The following CDH4 variants were observed in gnomAD, a reference collection of about 807,000 sequenced individuals.
The protein encoded by CDH4 is cadherin-4.
CDH4 carries 33 observed loss-of-function variants against 86.0 expected under a neutral mutation model. The ratio of observed to expected loss-of-function variants is 0.38; its 90% CI spans 0.29 to 0.51. The LOEUF (loss-of-function observed/expected upper bound fraction) is 0.51, where lower values mean the gene tolerates loss of function less well. Among genes scored for constraint, CDH4 ranks in the 20% least tolerant of loss-of-function variants. The pLI, the probability that CDH4 is intolerant of heterozygous loss-of-function variation, is 0.86. For missense variants in CDH4, 1,114 were observed against 1,307.4 expected (o/e 0.85, Z 2.28); for synonymous variants, 555 against 549.4 (o/e 1.01, Z -0.14).
At chr20:61,566,191 G>A (rs140432067) in intron 2 of CDH4, among the ~76,000 whole-genome samples, 22 of 152,286 alleles carry the variant, frequency 1.4e-4, no homozygotes, top group Non-Finnish European at 2.5e-4. Flanking sequence ...TGCCCTTGCC[G>A]GGCCCATGTG....
chr20:61,771,010 C>CTTTTTTTTTT (rs756131628), intron 3 of CDH4, among the ~76,000 whole-genome samples: 9 of 130,378 alleles, frequency 6.9e-5, no homozygotes, highest in African/African-American at 1.4e-4. Flanking sequence ...TTCTTTTTTT[C>CTTTTTTTTTT]TTTTTTTTTT....
At chr20:61,744,995 T>A (rs746959727) in intron 3 of CDH4, among the ~76,000 whole-genome samples, 1 of 152,222 alleles carries the variant, frequency 6.6e-6, no homozygotes, top group Non-Finnish European at 1.5e-5. Context: ...CTGTTGCAGC[T>A]GCCTGCCTGA....
Position 61,804,879 on chromosome 20 carries a change from G to A in CDH4, c.576+31697G>A, listed in dbSNP as rs543883112. Reference sequence around the variant, plus strand: ...CAGTGAAAAGTGCAAGATTTATGGGGCACATAAACGGAACATACAGAGCTG... The same window carrying A: ...CAGTGAAAAGTGCAAGATTTATGGGACACATAAACGGAACATACAGAGCTG... On this transcript the variant is annotated intron_variant, in intron 4 of 15. Coordinates refer to ENST00000614565, the MANE Select transcript of CDH4 (RefSeq NM_001794.5). 4.6e-5 allele frequency among the ~76,000 whole-genome samples: 7 copies of A among 152,294 alleles called. No homozygotes were observed. The South Asian group carries it at 1.2e-3, about 27-fold the overall frequency.
At chr20:61,847,504 G>T (rs953841136) in intron 5 of CDH4, among the ~76,000 whole-genome samples, 2 of 152,186 alleles carry the variant, frequency 1.3e-5, no homozygotes, top group Admixed American at 1.3e-4. Flanking sequence ...GGAATCCAGC[G>T]CCCCCACCAC....
At chr20:61,638,065 G>A (rs1392233732) in intron 2 of CDH4, among the ~76,000 whole-genome samples, 7 of 151,390 alleles carry the variant, frequency 4.6e-5, no homozygotes, top group Non-Finnish European at 7.4e-5. Context: ...GAGAAGAGTC[G>A]GGGAGTGAGA....
intron 4 of CDH4, among the ~76,000 whole-genome samples, chr20:61,822,000 G>A (rs758396766): frequency 1.3e-5 from 2 of 152,252 alleles, no homozygotes; most frequent in African/African-American, 4.8e-5. Context: ...TCCACCCAGC[G>A]AGTGATGGGT....
At chr20:61,809,707 A>G (rs956338260) in intron 4 of CDH4, among the ~76,000 whole-genome samples, 1 of 152,220 alleles carries the variant, frequency 6.6e-6, no homozygotes, top group Non-Finnish European at 1.5e-5. Context: ...GGGTTCCGGT[A>G]GAAAGCAGCT....
chr20:61,608,376 C>T (rs571752490), intron 2 of CDH4, among the ~76,000 whole-genome samples: 4 of 152,268 alleles, frequency 2.6e-5, no homozygotes, highest in African/African-American at 9.6e-5. Flanking sequence ...AGAGAAGAGT[C>T]TATGAAGAGA....
chr20:61,383,825 A>T (rs1479153804), intron 2 of CDH4, among the ~76,000 whole-genome samples: 8 of 96,540 alleles, frequency 8.3e-5, no homozygotes, highest in Non-Finnish European at 1.3e-4. Flanking sequence ...ATATGCGTAT[A>T]TATGAAGATA....
chr20:61,691,986 T>C (rs1487785436), intron 2 of CDH4, among the ~76,000 whole-genome samples: 1 of 152,240 alleles, frequency 6.6e-6, no homozygotes, highest in Non-Finnish European at 1.5e-5. Context: ...AATAAACCCT[T>C]GCTGTTTTTG....
intron 2 of CDH4, among the ~76,000 whole-genome samples, chr20:61,395,402 T>C (rs2085011158): frequency 6.6e-6 from 1 of 152,192 alleles, no homozygotes; most frequent in Non-Finnish European, 1.5e-5. Context: ...CATATATACA[T>C]GCATATATAT....
intron 2 of CDH4, among the ~76,000 whole-genome samples, chr20:61,488,528 T>C (rs2085608543): frequency 6.6e-6 from 1 of 152,190 alleles, no homozygotes; most frequent in Non-Finnish European, 1.5e-5. Context: ...TGTACTGGGC[T>C]GATTTGTCTT....
chr20:61,873,538 T>C (rs577303481), intron 6 of CDH4, among the ~76,000 whole-genome samples, 190 bp from the exon 7 acceptor site: 14 of 152,376 alleles, frequency 9.2e-5, no homozygotes, highest in African/African-American at 2.9e-4. Context: ...GAAATCCTTC[T>C]ATGATTCTAT....
intron 2 of CDH4, among the ~76,000 whole-genome samples, chr20:61,573,320 G>A (rs1304834739): frequency 5.9e-5 from 9 of 152,222 alleles, no homozygotes. Context: ...TCCCTGGCCT[G>A]GTGGATGCCC....
At chr20:61,375,729 T>G (rs199521208) in intron 2 of CDH4, among the ~76,000 whole-genome samples, 1 of 135,484 alleles carries the variant, frequency 7.4e-6, no homozygotes, top group African/African-American at 2.7e-5. Context: ...TTGATGGTAG[T>G]GTGATGGTCT....
intron 2 of CDH4, among the ~76,000 whole-genome samples, chr20:61,589,412 C>A (rs2086501347): frequency 6.6e-6 from 1 of 152,196 alleles, no homozygotes; most frequent in African/African-American, 2.4e-5. Context: ...AATGATCGAG[C>A]TGGCTTTGTT....
At chr20:61,407,794 G>T (rs929859286) in intron 2 of CDH4, among the ~76,000 whole-genome samples, 14 of 152,150 alleles carry the variant, frequency 9.2e-5, no homozygotes, top group African/African-American at 2.9e-4. Flanking sequence ...AATGCACTGT[G>T]CACAGTGACA....
At chr20:61,627,703 C>T (rs1040950166) in intron 2 of CDH4, among the ~76,000 whole-genome samples, 2 of 152,036 alleles carry the variant, frequency 1.3e-5, no homozygotes, top group Non-Finnish European at 2.9e-5. Flanking sequence ...TCCCGCCCCC[C>T]GACTCGACTT....
At chr20:61,719,330 C>T in intron 2 of CDH4, 1 of 347,574 alleles carries the variant, frequency 2.9e-6, no homozygotes, top group South Asian at 2.5e-5. Flanking sequence ...ACGAGTCAGC[C>T]ACGGAGGCCT....
Sources: gnomAD v4.1 joint callset for allele counts (sites outside exome capture counted in the v4.1 genomes callset) on GRCh38, gnomAD v4.1.1 for gene constraint, MANE v1.5 for transcripts, NCBI Gene and HGNC (gene_info 2026-07-23, HGNC 2026-07-21) for gene names.